SEMA6C: variants seen among roughly 807,000 people sequenced by gnomAD.
SEMA6C encodes the protein semaphorin 6C, also known as semaphorin-6C.
Under a neutral mutation model 72.9 loss-of-function variants are expected in SEMA6C, and 37 were observed. That is an observed-to-expected ratio of 0.51 (90% CI 0.39 to 0.67). The LOEUF (loss-of-function observed/expected upper bound fraction) is 0.67, where lower values mean the gene tolerates loss of function less well. SEMA6C is among the 30% of genes least tolerant of loss of function. The pLI is 0.00. For missense variants in SEMA6C, 1,189 were observed against 1,263.6 expected (o/e 0.94, Z 0.89); for synonymous variants, 578 against 554.1 (o/e 1.04, Z -0.61).
intron 11 of SEMA6C, 118 bp from the exon 12 acceptor site, chr1:151,136,697 C>A: frequency 1.4e-6 from 2 of 1,424,286 alleles, no homozygotes; most frequent in Non-Finnish European, 1.9e-6. Context: ...GGAGGTGGGG[C>A]AGCCACTGGG....
chr1:151,137,743 C>T lies in SEMA6C; in HGVS notation c.724G>A (p.Glu242Lys), dbSNP rs775159215. Residue 242 changes from glutamate (E) to lysine (K), a missense_variant, in exon 10 of 19, where the codon GAG becomes AAG. Physicochemically the swap from Glu to Lys is moderately conservative, Grantham distance 56. Transcript: ENST00000368914. The stretch of plus-strand genomic sequence containing the variant: ...AGCCGAGCATCCTCCACAGAGACCT[C>T]GCGGAAGAAGAAGTAGACATGGTCT... ...HGDHVYFFFR[E>K]VSVEDARLGR... The T allele has an allele frequency of 1.4e-5, 23 of 1,613,616 alleles. No individual in the cohort carries two copies. Among genetic ancestry groups the T allele is most frequent in the Non-Finnish European group, 1.9e-5 (22 of 1,179,754 alleles).
chr1:151,139,239 C>T (rs1410711049), intron 6 of SEMA6C, among the ~76,000 whole-genome samples, 186 bp downstream of exon 6: 1 of 152,190 alleles, frequency 6.6e-6, no homozygotes, highest in Non-Finnish European at 1.5e-5. Flanking sequence ...CTGAGCCTCA[C>T]TTTTCTTTTT....
intron 12 of SEMA6C, 45 bp downstream of exon 12, chr1:151,136,403 C>A (rs6587556): frequency 4.4e-6 from 7 of 1,597,458 alleles, no homozygotes; most frequent in Admixed American, 1.8e-5. Flanking sequence ...TGGGGGCAGA[C>A]GCTGCTTGCT....
rs1471666388 is a variant in SEMA6C at position 151,139,683 on chromosome 1, G to A, written c.252C>T (p.Phe84=). 18 of 1,604,896 alleles carry A rather than the reference G, an allele frequency of 1.1e-5. No individual in the cohort carries two copies. The highest frequency in any genetic ancestry group is 1.7e-5 in the Admixed American group (1 of 59,472). Residue 84 remains phenylalanine, a synonymous_variant, in exon 5 of 19, where the codon TTC becomes TTT. Transcript: ENST00000368914. ...LVAARDHVFS[F]DLQAEEEGEG... ...CCCCTTCTTCTTCGGCTTGAAGATC[G>A]AAGGAGAAAACGTGATCCCTGAGGG...
In SEMA6C at chr1:151,132,692, GC is replaced by G. The variant is rs1428622688; in HGVS notation, c.2584del (p.Ala862ProfsTer36). 1.3e-6 allele frequency: 2 copies of G among 1,505,706 alleles called. No homozygotes were observed. The highest frequency in any genetic ancestry group is 2.8e-5 in the African/African-American group (2 of 70,696). The allele number at this position is 1,505,706 out of a possible 1,614,324, so 93.3% of individuals were successfully genotyped here. ...TCCCGAGGGGACTCGAGTGAGCAGG[GC>G]AGGGGGGGCCCGGTGGCCGGAGAAA... ...LPFSGHRAPP[A>X]LLTRVPSGGP... is the part of the protein sequence containing the mutation. On this transcript the variant is annotated frameshift_variant, in exon 19 of 19. Transcript: ENST00000368914. LOFTEE classifies it low-confidence loss of function (END_TRUNC).
Position 151,133,285 on chromosome 1 carries a change from G to T in SEMA6C, c.1992C>A (p.Pro664=). 6.3e-7 allele frequency: 1 copy of T among 1,579,130 alleles called. No homozygotes were observed. Among genetic ancestry groups the T allele is most frequent in the East Asian group, 2.3e-5 (1 of 43,068 alleles). ...CGTCCCCGTCCTTGGAGGGCGGCGG[G>T]GGCTCTGGGCCCCCACCGTGGAGCC... ...LARLHGGGPE[P]PPPSKDGDAV... is the part of the protein sequence containing the mutation. Residue 664 remains proline (P), a synonymous_variant, in exon 19 of 19, where the codon CCC becomes CCA. Transcript: ENST00000368914. The surrounding 1 kb of genome is among the most constrained non-coding windows in gnomAD (Gnocchi z 5.9).
intron 18 of SEMA6C, chr1:151,134,151 G>A (rs1424328623): frequency 2.2e-6 from 2 of 926,574 alleles, no homozygotes; most frequent in African/African-American, 1.7e-5. Flanking sequence ...GAACCCAGGA[G>A]TCCAGAACGC....
At position 151,133,489 on chromosome 1, in the gene SEMA6C, C is replaced by T. The variant is rs587761133; in HGVS notation, c.1788G>A (p.Ser596=). 10 of 1,533,090 alleles carry T rather than the reference C, an allele frequency of 6.5e-6. No homozygotes were observed. The highest frequency in any genetic ancestry group is 1.4e-5 in the African/African-American group (1 of 72,858). 95.0% of individuals were successfully genotyped at this position (1,533,090 alleles called of 1,614,324 possible). ...YGVRRDLPPA[S]ASRSVPIPLL... Reference sequence around the variant, plus strand: ...GTGGGATGGGGACGGAGCGGGAGGCCGAGGCTGGGGGCAGGTCCCGGCGCA... The same window carrying T: ...GTGGGATGGGGACGGAGCGGGAGGCTGAGGCTGGGGGCAGGTCCCGGCGCA... The change falls in exon 19 of 19, where the codon TCG becomes TCA. Residue 596 remains serine, a synonymous_variant. Coordinates refer to ENST00000368914, the MANE Select transcript of SEMA6C (RefSeq NM_030913.6). This position sits in a 1 kb window ranked among gnomAD's most constrained non-coding sequence, Gnocchi z 5.9.
At chr1:151,135,463 C>G in intron 14 of SEMA6C, 128 bp downstream of exon 14, 1 of 1,445,724 alleles carries the variant, frequency 6.9e-7, no homozygotes, top group Non-Finnish European at 9.4e-7. Context: ...TCTCGCCAAG[C>G]CTGTCTAGCC....
At position 151,137,038 on chromosome 1, in the gene SEMA6C, C is replaced by T; in HGVS notation, c.793G>A (p.Asp265Asn). The change falls in exon 11 of 19, where the codon GAC becomes AAC. Residue 265 changes from aspartate (D) to asparagine (N), a missense_variant. Asp to Asn is a conservative substitution (Grantham distance 23). This residue lies in a region of SEMA6C where 468 missense variants were observed against 577.4 expected (regional missense o/e 0.81). Coordinates refer to ENST00000368914, the MANE Select transcript of SEMA6C (RefSeq NM_030913.6). ...FSRVARVCKRDMGGSPRALDR... is the reference protein window; with the variant it reads ...FSRVARVCKRNMGGSPRALDR... ...AAGGCCCGAGGCGAGCCGCCCATGT[C>T]ACGTTTACATACTCGGGCTACGCGG... 6.2e-7 allele frequency: 1 copy of T among 1,613,930 alleles called. No homozygotes were observed. Among genetic ancestry groups the T allele is most frequent in the Non-Finnish European group, 8.5e-7 (1 of 1,180,034 alleles).
intron 3 of SEMA6C, among the ~76,000 whole-genome samples, chr1:151,140,798 T>A (rs1036996086): frequency 6.6e-6 from 1 of 152,120 alleles, no homozygotes; most frequent in Non-Finnish European, 1.5e-5. Flanking sequence ...ATCGAGACCA[T>A]CCTGGCTAAC....
chr1:151,132,347 G>A lies in SEMA6C; in HGVS notation c.*137C>T, dbSNP rs777203703. 1 of 1,540,608 alleles carries A rather than the reference G, an allele frequency of 6.5e-7. No individual in the cohort carries two copies. The highest frequency in any genetic ancestry group is 1.2e-5 in the South Asian group (1 of 82,620). On this transcript the variant is annotated 3_prime_UTR_variant, in exon 19 of 19. Transcript: ENST00000368914. The stretch of plus-strand genomic sequence containing the variant: ...TCAATAAATAAACCCGAGGCGAAAA[G>A]GGGCCTCGGGAGACTCTGCGAGTCG...
At position 151,138,104 on chromosome 1, in the gene SEMA6C, C is replaced by T. The variant is rs892453639; in HGVS notation, c.549G>A (p.Glu183=). ...CAGCTGTGGCTGAGTACAGGCTGCCCTCTGGAGGGATGGGTGGAGTGGGGT... is the reference window on the plus strand; with the variant it reads ...CAGCTGTGGCTGAGTACAGGCTGCCTTCTGGAGGGATGGGTGGAGTGGGGT... The part of the protein sequence containing the change: ...ATQSNVAIFA[E]GSLYSATAAD... The change falls in exon 9 of 19, where the codon GAG becomes GAA. Residue 183 remains glutamate, a splice_region_variant and synonymous_variant. Coordinates refer to ENST00000368914, the MANE Select transcript of SEMA6C (RefSeq NM_030913.6). 1.2e-6 allele frequency: 2 copies of T among 1,613,736 alleles called. No individual in the cohort carries two copies. Among genetic ancestry groups the T allele is most frequent in the African/African-American group, 2.7e-5 (2 of 74,924 alleles).
Position 151,131,982 on chromosome 1 carries a change from G to A in SEMA6C, c.*502C>T. 6 of 299,632 alleles carry A rather than the reference G, an allele frequency of 2.0e-5. No individual in the cohort carries two copies. Among genetic ancestry groups the A allele is most frequent in the Non-Finnish European group, 2.6e-5 (4 of 153,848 alleles). 18.6% of individuals were successfully genotyped at this position (299,632 alleles called of 1,614,324 possible). On this transcript the variant is annotated 3_prime_UTR_variant, in exon 19 of 19. Transcript: ENST00000368914. The stretch of plus-strand genomic sequence containing the variant: ...GGGAGAGCCCAGGGCCCAGATGAAG[G>A]CAGAGAGCGAGGGCGCCCAGAGCGA...
At chr1:151,142,971 T>G (rs1682675486) in intron 2 of SEMA6C, among the ~76,000 whole-genome samples, 1 of 152,132 alleles carries the variant, frequency 6.6e-6, no homozygotes, top group Admixed American at 6.5e-5. Flanking sequence ...GTCTGGGACA[T>G]TCAGTAGGTG....
intron 11 of SEMA6C, 117 bp downstream of exon 11, chr1:151,136,740 A>G: frequency 7.4e-7 from 1 of 1,346,778 alleles, no homozygotes; most frequent in Non-Finnish European, 1.0e-6. Flanking sequence ...GCAACACAGC[A>G]AACTGGCTTT....
intron 9 of SEMA6C, 73 bp from the exon 10 acceptor site, chr1:151,137,872 G>A (rs1342903241): frequency 2.7e-5 from 42 of 1,576,780 alleles, no homozygotes; most frequent in Non-Finnish European, 3.5e-5. Flanking sequence ...GCCCCACACC[G>A]CTCTCCCCAT....
chr1:151,138,856 G>A (rs760439948), intron 6 of SEMA6C, 125 bp from the exon 7 acceptor site: 28 of 728,076 alleles, frequency 3.8e-5, no homozygotes, highest in Non-Finnish European at 5.9e-5. Context: ...ACTTTGGGAG[G>A]CCAAGGTGGG....
chr1:151,133,363 C>A lies in SEMA6C; in HGVS notation c.1914G>T (p.Lys638Asn). Reference protein sequence around the residue: ...ACRRAHRRRGKDIETPGLPRP... With the variant: ...ACRRAHRRRGNDIETPGLPRP... Reference sequence around the variant, plus strand: ...GCGGGAGCCCCGGAGTCTCGATGTCCTTGCCCCGACGTCGGTGGGCGCGGC... The same window carrying A: ...GCGGGAGCCCCGGAGTCTCGATGTCATTGCCCCGACGTCGGTGGGCGCGGC... The change falls in exon 19 of 19, where the codon AAG (lysine) becomes AAT (asparagine). Residue 638 changes from lysine to asparagine, a missense_variant. Coordinates refer to ENST00000368914, the MANE Select transcript of SEMA6C (RefSeq NM_030913.6). This position sits in a 1 kb window ranked among gnomAD's most constrained non-coding sequence, Gnocchi z 5.9. 3 of 1,600,108 alleles carry A rather than the reference C, an allele frequency of 1.9e-6. No individual in the cohort carries two copies. The highest frequency in any genetic ancestry group is 2.2e-5 in the East Asian group (1 of 44,558).
Sources: gnomAD v4.1 joint callset for allele counts (sites outside exome capture counted in the v4.1 genomes callset) on GRCh38, gnomAD v4.1.1 for gene constraint, gnomAD v4.1.1 regional missense constraint, Gnocchi (gnomAD v3.1) non-coding constraint, MANE v1.5 for transcripts, NCBI Gene and HGNC (gene_info 2026-07-23, HGNC 2026-07-21) for gene names.